The following C6orf58 variants were observed in gnomAD, a reference collection of about 807,000 sequenced individuals.
C6orf58 encodes the protein protein LEG1 homolog.
Under a neutral mutation model 37.0 loss-of-function variants are expected in C6orf58, and 30 were observed. The observed-to-expected ratio is 0.81, with a 90% CI of 0.61 to 1.10. The LOEUF is 1.10. Ranked by LOEUF, C6orf58 falls within the 50% of genes least tolerant of loss-of-function variation. The pLI, the probability that C6orf58 is intolerant of heterozygous loss-of-function variation, is 0.00. For missense variants in C6orf58, 368 were observed against 387.5 expected (o/e 0.95, Z 0.42); for synonymous variants, 143 against 134.1 (o/e 1.07, Z -0.46).
At chr6:127,580,232 C>T in intron 2 of C6orf58, 33 bp from the exon 3 acceptor site, 1 of 1,512,434 alleles carries the variant, frequency 6.6e-7, no homozygotes, top group Non-Finnish European at 9.1e-7. Context: ...TTTGTTAGTG[C>T]TTGTAGTAAT....
chr6:127,591,751 T>G lies in C6orf58; in HGVS notation c.*129T>G. 1 of 812,808 alleles carries G rather than the reference T, an allele frequency of 1.2e-6. No homozygotes were observed. Among genetic ancestry groups the G allele is most frequent in the Non-Finnish European group, 1.7e-6 (1 of 595,166 alleles). The allele number at this position is 812,808 out of a possible 1,614,324, so 50.3% of individuals were successfully genotyped here. ...AGTTTATTCTTTCTGATATTTTTGA[T>G]TTATGCTTATTTGTTAAGATCTTGT... On this transcript the variant is annotated 3_prime_UTR_variant, in exon 6 of 6. Transcript: ENST00000329722.
intron 3 of C6orf58, 78 bp from the exon 4 acceptor site, chr6:127,581,104 A>G: frequency 6.6e-6 from 4 of 602,982 alleles, no homozygotes; most frequent in Non-Finnish European, 1.1e-5. Flanking sequence ...GCTAAAATAT[A>G]TCTGAACATG....
intron 4 of C6orf58, among the ~76,000 whole-genome samples, chr6:127,587,386 C>A (rs962480130): frequency 6.6e-5 from 10 of 152,112 alleles, no homozygotes; most frequent in Admixed American, 5.9e-4. Flanking sequence ...TACATGTTTT[C>A]TATTAATTCA....
chr6:127,590,196 T>G lies in C6orf58; in HGVS notation c.784T>G (p.Phe262Val). The change falls in exon 5 of 6, where the codon TTC becomes GTC. Residue 262 changes from phenylalanine (F) to valine (V), a missense_variant. By Grantham distance (50) the Phe-to-Val change is conservative. Coordinates refer to ENST00000329722, the MANE Select transcript of C6orf58 (RefSeq NM_001010905.3). ...FPTTLIRSYK[F>V]QKGMPPRILL... ...TACAACCTTGATTAGATCATATAAG[T>G]TCCAGAAGGGCATGCCACCACGAAT... 9.9e-6 allele frequency: 16 copies of G among 1,613,808 alleles called. No individual in the cohort carries two copies. Among genetic ancestry groups the G allele is most frequent in the Non-Finnish European group, 1.3e-5 (15 of 1,179,794 alleles).
At chr6:127,580,207 A>C in intron 2 of C6orf58, 58 bp from the exon 3 acceptor site, 2 of 1,363,184 alleles carry the variant, frequency 1.5e-6, no homozygotes, top group Non-Finnish European at 2.0e-6. Context: ...TTCCTTAAAA[A>C]TATCCTCTTT....
chr6:127,577,281 G>A lies in C6orf58; in HGVS notation c.96G>A (p.Leu32=). The A allele has an allele frequency of 1.2e-6, 2 of 1,613,612 alleles. No individual in the cohort carries two copies. Among genetic ancestry groups the A allele is most frequent in the Admixed American group, 1.7e-5 (1 of 59,942 alleles). Residue 32 remains leucine, a synonymous_variant, in exon 1 of 6, where the codon CTG becomes CTA. Transcript: ENST00000329722. ...TSNLSETEPP[L]WKESPGQLSD... is the part of the protein sequence containing the mutation. The stretch of plus-strand genomic sequence containing the variant: ...ATCTCTCAGAGACAGAGCCCCCTCT[G>A]TGGAAGGAGAGTCCTGGTCAGCTCA...
chr6:127,591,351 C>T (rs1397055307), intron 5 of C6orf58, among the ~76,000 whole-genome samples, 192 bp from the exon 6 acceptor site: 1 of 152,004 alleles, frequency 6.6e-6, no homozygotes, highest in Non-Finnish European at 1.5e-5. Flanking sequence ...GTTGGTAAGT[C>T]AGGTATTGCC....
At chr6:127,590,365 T>C (rs567496932) in intron 5 of C6orf58, 40 bp downstream of exon 5, 1 of 1,221,328 alleles carries the variant, frequency 8.2e-7, no homozygotes, top group African/African-American at 1.5e-5. Flanking sequence ...ATCAGTATTA[T>C]GTTGAACAAA....
intron 4 of C6orf58, among the ~76,000 whole-genome samples, chr6:127,584,481 C>T (rs80000975): frequency 0.018 from 2,738 of 152,222 alleles, 81 homozygotes; most frequent in African/African-American, 0.06. Context: ...CCATATTTAA[C>T]ATTGAATTTA....
Position 127,590,326 on chromosome 6 carries a change from G to T in C6orf58, c.913+1G>T. 1 of 1,551,716 alleles carries T rather than the reference G, an allele frequency of 6.4e-7. No individual in the cohort carries two copies. Among genetic ancestry groups the T allele is most frequent in the Non-Finnish European group, 8.8e-7 (1 of 1,130,214 alleles). On this transcript the variant is annotated splice_donor_variant, in intron 5 of 5. Coordinates refer to ENST00000329722, the MANE Select transcript of C6orf58 (RefSeq NM_001010905.3). LOFTEE classifies it high-confidence loss of function. ...CTTGACAATGTGGATAAATCTATAG[G>T]TAAGAACCTTAAAAGGATACTTTTA...
At chr6:127,588,367 A>G (rs960423054) in intron 4 of C6orf58, among the ~76,000 whole-genome samples, 9 of 152,238 alleles carry the variant, frequency 5.9e-5, no homozygotes, top group South Asian at 2.1e-4. Context: ...TACATAGCAG[A>G]AGACAGAATT....
In C6orf58 at chr6:127,590,198, C is replaced by G. The variant is rs532390887; in HGVS notation, c.786C>G (p.Phe262Leu). Residue 262 changes from phenylalanine to leucine, a missense_variant, in exon 5 of 6, where the codon TTC becomes TTG. Coordinates refer to ENST00000329722, the MANE Select transcript of C6orf58 (RefSeq NM_001010905.3). Reference sequence around the variant, plus strand: ...CAACCTTGATTAGATCATATAAGTTCCAGAAGGGCATGCCACCACGAATTC... The same window carrying G: ...CAACCTTGATTAGATCATATAAGTTGCAGAAGGGCATGCCACCACGAATTC... Reference protein sequence around the residue: ...FPTTLIRSYKFQKGMPPRILL... With the variant: ...FPTTLIRSYKLQKGMPPRILL... 1.2e-6 allele frequency: 2 copies of G among 1,613,686 alleles called. No individual in the cohort carries two copies. The highest frequency in any genetic ancestry group is 1.7e-5 in the Admixed American group (1 of 59,992).
At chr6:127,577,569 T>C (rs1422809326) in intron 1 of C6orf58, 83 bp downstream of exon 1, 2 of 1,132,362 alleles carry the variant, frequency 1.8e-6, no homozygotes, top group Admixed American at 4.6e-5. Flanking sequence ...GTATATACCC[T>C]ACTATGTTTT....
chr6:127,585,781 C>A (rs1259814319), intron 4 of C6orf58, among the ~76,000 whole-genome samples: 1 of 152,114 alleles, frequency 6.6e-6, no homozygotes, highest in Non-Finnish European at 1.5e-5. Flanking sequence ...TTGATCAACA[C>A]AAAATTTTTT....
At chr6:127,580,225 G>A in intron 2 of C6orf58, 40 bp from the exon 3 acceptor site, 1 of 1,444,182 alleles carries the variant, frequency 6.9e-7, no homozygotes, top group Non-Finnish European at 9.6e-7. Flanking sequence ...TTTGAAATTT[G>A]TTAGTGCTTG....
Position 127,591,591 on chromosome 6 carries a change from C to A in C6orf58, c.962C>A (p.Ser321Tyr). Residue 321 changes from serine (S) to tyrosine (Y), a missense_variant, in exon 6 of 6, where the codon TCT (serine) becomes TAT (tyrosine). Ser to Tyr is a moderately radical substitution (Grantham distance 144, BLOSUM62 -2). Coordinates refer to ENST00000329722, the MANE Select transcript of C6orf58 (RefSeq NM_001010905.3). Reference sequence around the variant, plus strand: ...AATGTATATAGAGATCATTCGGAATCTAGCTCTAGAAGTTATGGAAATAAC... The same window carrying A: ...AATGTATATAGAGATCATTCGGAATATAGCTCTAGAAGTTATGGAAATAAC... ...KSNVYRDHSESSSRSYGNNS is the reference protein window; with the variant it reads ...KSNVYRDHSEYSSRSYGNNS The A allele has an allele frequency of 6.5e-7, 1 of 1,530,112 alleles. No homozygotes were observed. Among genetic ancestry groups the A allele is most frequent in the South Asian group, 1.3e-5 (1 of 75,094 alleles). The allele number at this position is 1,530,112 out of a possible 1,614,324, so 94.8% of individuals were successfully genotyped here.
At position 127,587,163 on chromosome 6, in the gene C6orf58, C is replaced by T. The variant is rs75878209; in HGVS notation, c.675-2924C>T. The stretch of plus-strand genomic sequence containing the variant: ...GCTTCCAAAATCTTGTTGTTCCCCA[C>T]GTGTTCTGATTTTATTTCTTGTGTC... On this transcript the variant is annotated intron_variant, in intron 4 of 5. Coordinates refer to ENST00000329722, the MANE Select transcript of C6orf58 (RefSeq NM_001010905.3). Among the ~76,000 whole-genome samples, 18 of 152,190 alleles carry T rather than the reference C, an allele frequency of 1.2e-4. No individual in the cohort carries two copies. In the East Asian group the frequency reaches 2.5e-3, roughly 21 times the overall value.
At chr6:127,578,824 A>G in intron 2 of C6orf58, 52 bp downstream of exon 2, 3 of 1,321,554 alleles carry the variant, frequency 2.3e-6, no homozygotes, top group Non-Finnish European at 3.3e-6. Flanking sequence ...GAAAGAAAGC[A>G]TTCAAACCTA....
chr6:127,578,886 A>T, intron 2 of C6orf58, 114 bp downstream of exon 2: 1 of 779,742 alleles, frequency 1.3e-6, no homozygotes, highest in Non-Finnish European at 2.1e-6. Flanking sequence ...TATTTTAAAA[A>T]GGAATCTATT....
Sources: allele counts gnomAD v4.1 joint callset (sites outside exome capture counted in the v4.1 genomes callset), GRCh38; gene constraint gnomAD v4.1.1; transcripts MANE v1.5; gene names NCBI Gene and HGNC (gene_info 2026-07-23, HGNC 2026-07-21).